The following CSMD3 variants were observed in gnomAD, a reference collection of about 807,000 sequenced individuals.
CSMD3 encodes the protein CUB and Sushi multiple domains 3.
In CSMD3, 177 loss-of-function variants were observed where a neutral mutation model predicts 435.2. The ratio of observed to expected loss-of-function variants is 0.41; its 90% CI spans 0.36 to 0.46. CSMD3 has a LOEUF of 0.46. CSMD3 is among the 20% of genes least tolerant of loss of function. CSMD3 has a pLI of 0.34. For missense variants in CSMD3, 4,265 were observed against 4,504.6 expected, an observed-to-expected ratio of 0.95 and a Z score of 1.52; for synonymous variants, 1,656 against 1,520.5, an observed-to-expected ratio of 1.09 and a Z score of -2.07.
chr8:112,553,824 T>C (rs1462603629), intron 25 of CSMD3, among the ~76,000 whole-genome samples: 1 of 152,000 alleles, frequency 6.6e-6, no homozygotes, highest in Non-Finnish European at 1.5e-5. Context: ...AGGCTGCATA[T>C]ATGTTAACTT....
At chr8:113,362,374 A>G (rs964985387) in intron 1 of CSMD3, among the ~76,000 whole-genome samples, 10 of 152,064 alleles carry the variant, frequency 6.6e-5, no homozygotes, top group African/African-American at 2.2e-4. Context: ...CGGTTGGGGA[A>G]CCTCCAAGAT....
chr8:113,352,004 A>G (rs2094193417), intron 1 of CSMD3, among the ~76,000 whole-genome samples: 1 of 152,100 alleles, frequency 6.6e-6, no homozygotes, highest in African/African-American at 2.4e-5. Context: ...AACTTCCATG[A>G]ATGTCTGTCT....
At chr8:113,409,937 C>A (rs992030187) in intron 1 of CSMD3, among the ~76,000 whole-genome samples, 1 of 151,380 alleles carries the variant, frequency 6.6e-6, no homozygotes, top group Non-Finnish European at 1.5e-5. Context: ...CAGATACAAC[C>A]AGGCTTATCC....
At chr8:112,297,159 T>A (rs1367419978) in intron 53 of CSMD3, among the ~76,000 whole-genome samples, 1 of 150,204 alleles carries the variant, frequency 6.7e-6, no homozygotes, top group African/African-American at 2.4e-5. Flanking sequence ...GGAAAATAAT[T>A]CTTATGCAAA....
At chr8:113,042,688 C>G (rs1322862654) in intron 5 of CSMD3, among the ~76,000 whole-genome samples, 1 of 151,980 alleles carries the variant, frequency 6.6e-6, no homozygotes, top group Non-Finnish European at 1.5e-5. Context: ...ATCAGAACTT[C>G]TAGTGTTAAA....
intron 17 of CSMD3, among the ~76,000 whole-genome samples, chr8:112,665,455 A>G (rs766449924): frequency 8.5e-5 from 13 of 152,200 alleles, no homozygotes; most frequent in African/African-American, 1.7e-4. Flanking sequence ...GACAAATTCA[A>G]TGAAAGACCT....
chr8:113,150,197 G>C (rs2091774883), intron 4 of CSMD3, among the ~76,000 whole-genome samples: 1 of 151,906 alleles, frequency 6.6e-6, no homozygotes. Context: ...GAATACAATG[G>C]TATATCACTT....
At chr8:113,159,894 A>C (rs1323807162) in intron 4 of CSMD3, among the ~76,000 whole-genome samples, 1 of 151,934 alleles carries the variant, frequency 6.6e-6, no homozygotes, top group African/African-American at 2.4e-5. Context: ...TGAAAAAACA[A>C]TGGAAGTGGC....
chr8:112,826,205 G>A (rs530001715), intron 12 of CSMD3, among the ~76,000 whole-genome samples: 10 of 152,290 alleles, frequency 6.6e-5, no homozygotes, highest in African/African-American at 1.9e-4. Context: ...GAAGAAAAGC[G>A]TGGCCTGGAG....
intron 5 of CSMD3, among the ~76,000 whole-genome samples, chr8:113,077,762 C>T (rs1470065306): frequency 1.3e-5 from 2 of 151,956 alleles, no homozygotes; most frequent in East Asian, 3.9e-4. Flanking sequence ...AGCTAACATT[C>T]AAGGTTTAAA....
intron 3 of CSMD3, among the ~76,000 whole-genome samples, chr8:113,231,472 T>C (rs2093085980): frequency 6.6e-6 from 1 of 151,420 alleles, no homozygotes; most frequent in South Asian, 2.1e-4. Flanking sequence ...TCAAGTACAC[T>C]TTTGTGGAAA....
At chr8:112,258,613 A>G (rs1816041709) in intron 61 of CSMD3, among the ~76,000 whole-genome samples, 1 of 152,218 alleles carries the variant, frequency 6.6e-6, no homozygotes, top group Non-Finnish European at 1.5e-5. Flanking sequence ...TGATCATTAA[A>G]AAGTCAGGAA....
intron 5 of CSMD3, among the ~76,000 whole-genome samples, chr8:113,068,462 T>C (rs2088958292): frequency 1.3e-5 from 2 of 152,172 alleles, no homozygotes; most frequent in African/African-American, 2.4e-5. Flanking sequence ...AGAGTAACTA[T>C]GATTTAAAGT....
At chr8:112,400,209 T>A (rs1360086512) in intron 35 of CSMD3, among the ~76,000 whole-genome samples, 2 of 152,172 alleles carry the variant, frequency 1.3e-5, no homozygotes, top group African/African-American at 4.8e-5. Context: ...TTCTAAAGCA[T>A]TGGCAGATTC....
intron 32 of CSMD3, among the ~76,000 whole-genome samples, chr8:112,470,927 G>A (rs1818460472): frequency 6.6e-6 from 1 of 151,876 alleles, no homozygotes; most frequent in Admixed American, 6.6e-5. Flanking sequence ...AAAAAAAACA[G>A]TTTTAAAAAC....
intron 13 of CSMD3, among the ~76,000 whole-genome samples, chr8:112,755,068 A>G (rs1313644738): frequency 2.6e-5 from 4 of 152,188 alleles, no homozygotes; most frequent in African/African-American, 9.6e-5. Flanking sequence ...GAGGTGGCTC[A>G]CGCCTGTAAT....
At chr8:112,693,135 C>A (rs894118342) in intron 13 of CSMD3, among the ~76,000 whole-genome samples, 13 of 151,938 alleles carry the variant, frequency 8.6e-5, no homozygotes, top group African/African-American at 3.1e-4. Context: ...AATAAACAGA[C>A]AAGGATTTCT....
chr8:113,123,342 A>G (rs889152190), intron 4 of CSMD3, among the ~76,000 whole-genome samples: 27 of 152,072 alleles, frequency 1.8e-4, no homozygotes, highest in African/African-American at 6.5e-4. Context: ...CCTTTTGAAA[A>G]TTATGCTTTA....
chr8:112,815,673 A>G (rs1227534308), intron 12 of CSMD3, among the ~76,000 whole-genome samples: 1 of 152,178 alleles, frequency 6.6e-6, no homozygotes, highest in Non-Finnish European at 1.5e-5. Context: ...AGTTCATTTT[A>G]AACAATTCAA....
Sources: allele counts gnomAD v4.1 joint callset (sites outside exome capture counted in the v4.1 genomes callset), GRCh38; gene constraint gnomAD v4.1.1; transcripts MANE v1.5; gene names NCBI Gene and HGNC (gene_info 2026-07-23, HGNC 2026-07-21).